Variants in DIAPH1 observed in about 807,000 individuals in gnomAD.
DIAPH1 encodes the protein diaphanous related formin 1, also known as protein diaphanous homolog 1.
DIAPH1 carries 46 observed loss-of-function variants against 140.7 expected under a neutral mutation model. The ratio of observed to expected loss-of-function variants is 0.33; its 90% CI spans 0.26 to 0.42. The LOEUF (loss-of-function observed/expected upper bound fraction) is 0.42. DIAPH1 is among the 10% of genes least tolerant of loss of function. The probability of loss-of-function intolerance (pLI) is 1.00; values close to 1 mark genes in which losing one functional copy is unlikely to be tolerated. For synonymous variants in DIAPH1, 565 were observed against 551.6 expected (o/e 1.02, Z -0.34); for missense variants, 1,310 against 1,558.7 (o/e 0.84, Z 2.69).
At chr5:141,518,312 GAAAA>G (rs55840265) in intron 27 of DIAPH1, among the ~76,000 whole-genome samples, 4 of 115,336 alleles carry the variant, frequency 3.5e-5, no homozygotes, top group Non-Finnish European at 5.4e-5. Context: ...AGCTCAATTG[GAAAA>G]AAAAAAAAAA....
At chr5:141,534,464 T>TAA (rs773747606) in intron 18 of DIAPH1, 31 bp from the exon 19 acceptor site, 2 of 1,583,492 alleles carry the variant, frequency 1.3e-6, no homozygotes, top group Admixed American at 3.3e-5. Context: ...AAAGCATGAT[T>TAA]AAAAGTAAGC....
intron 3 of DIAPH1, among the ~76,000 whole-genome samples, chr5:141,584,823 C>T (rs535547992): frequency 6.6e-6 from 1 of 152,318 alleles, no homozygotes; most frequent in African/African-American, 2.4e-5. Flanking sequence ...AGCCTAGTAC[C>T]TTGGTGTGCA....
At chr5:141,541,471 T>C (rs1177565977) in intron 18 of DIAPH1, among the ~76,000 whole-genome samples, 1 of 151,962 alleles carries the variant, frequency 6.6e-6, no homozygotes, top group Non-Finnish European at 1.5e-5. Context: ...GTTGATCACT[T>C]GAAGTCAGGA....
At chr5:141,576,009 C>G (rs1444491715) in intron 14 of DIAPH1, among the ~76,000 whole-genome samples, 1 of 152,142 alleles carries the variant, frequency 6.6e-6, no homozygotes, top group Non-Finnish European at 1.5e-5. Context: ...TGCCCAGTAG[C>G]CCAAGAACTG....
At chr5:141,564,914 T>C (rs2099894145) in intron 18 of DIAPH1, 2 of 152,204 alleles carry the variant, frequency 1.3e-5, no homozygotes, top group African/African-American at 4.8e-5. Context: ...ATATCACTTT[T>C]CCCCTACTAG....
At chr5:141,603,825 A>G (rs1004071241) in intron 1 of DIAPH1, among the ~76,000 whole-genome samples, 2 of 152,218 alleles carry the variant, frequency 1.3e-5, no homozygotes, top group Admixed American at 6.5e-5. Flanking sequence ...ATAGTTCAAG[A>G]AGGCAAGTAC....
At chr5:141,560,963 G>A in intron 18 of DIAPH1, 1 of 454,894 alleles carries the variant, frequency 2.2e-6, no homozygotes, top group Non-Finnish European at 4.4e-6. Context: ...GGAGATGGGA[G>A]GACCGCCATC....
intron 18 of DIAPH1, among the ~76,000 whole-genome samples, chr5:141,541,295 C>T (rs2099889924): frequency 6.6e-6 from 1 of 152,164 alleles, no homozygotes; most frequent in Non-Finnish European, 1.5e-5. Context: ...TTACAAATAA[C>T]TTTATGCTTA....
At position 141,584,182 on chromosome 5, in the gene DIAPH1, T is replaced by C. The variant is rs762848470; in HGVS notation, c.344A>G (p.Glu115Gly). ...CTCCCTCTTGATGATGATGTCCTTC[T>C]CCCTCAAAGGTTGCTGTTTCTCCTC... ...LNEEKQQPLR[E>G]KDIIIKREMV... Residue 115 changes from glutamate to glycine, a missense_variant, in exon 4 of 28, where the codon GAG becomes GGG. Coordinates refer to ENST00000389054, the MANE Select transcript of DIAPH1 (RefSeq NM_005219.5). 6 of 1,613,554 alleles carry C rather than the reference T, an allele frequency of 3.7e-6. No homozygotes were observed. In the Admixed American group the frequency reaches 5.0e-5, roughly 13 times the overall value.
Position 141,575,120 on chromosome 5 carries a change from AT to A in DIAPH1, c.1487del (p.His496LeufsTer7). On this transcript the variant is annotated frameshift_variant, in exon 15 of 28. Transcript: ENST00000389054. LOFTEE classifies it high-confidence loss of function. ...TCTTTTTCATTTCCACCTGTAGCTC[AT>A]GTCGGGCTGTTAACTCTGAGTCCAA... is the stretch of plus-strand genomic sequence containing the variant. ...KKLDSELTAR[H>X]ELQVEMKKME... 6.2e-7 allele frequency: 1 copy of A among 1,614,162 alleles called. No individual in the cohort carries two copies. Among genetic ancestry groups the A allele is most frequent in the Non-Finnish European group, 8.5e-7 (1 of 1,180,030 alleles).
chr5:141,572,598 G>A (rs766177792), intron 16 of DIAPH1, among the ~76,000 whole-genome samples: 16 of 152,016 alleles, frequency 1.1e-4, no homozygotes, highest in African/African-American at 1.4e-4. Flanking sequence ...TCAGGAGTTC[G>A]AGAGCAGCCA....
intron 1 of DIAPH1, among the ~76,000 whole-genome samples, chr5:141,591,893 C>A (rs1241599652): frequency 2.0e-5 from 3 of 149,612 alleles, no homozygotes; most frequent in Non-Finnish European, 4.4e-5. Context: ...ACCAGCCTGA[C>A]CAACATGGTG....
chr5:141,618,945 G>A lies in DIAPH1; in HGVS notation c.-31C>T, dbSNP rs977114362. On this transcript the variant is annotated 5_prime_UTR_variant, in exon 1 of 28. Transcript: ENST00000389054. ...GGTTCACGCTGGCCGGCGACCCCGC[G>A]CCTACGCCGCTCCCGCCTGGCAGCT... The A allele has an allele frequency of 2.7e-5, 36 of 1,311,014 alleles. 1 individual carries two copies. The Admixed American group carries it at 3.7e-4, about 13-fold the overall frequency. 81.2% of individuals were successfully genotyped at this position (1,311,014 alleles called of 1,614,324 possible).
rs189634357 is a variant in DIAPH1, at chr5:141,577,626, T to C, written c.1164-35A>G. 40 of 1,374,398 alleles carry C rather than the reference T, an allele frequency of 2.9e-5. No homozygotes were observed. In the Admixed American group the frequency reaches 6.7e-4, roughly 23 times the overall value. 85.1% of individuals were successfully genotyped at this position (1,374,398 alleles called of 1,614,324 possible). The stretch of plus-strand genomic sequence containing the variant: ...GGAAATAGGCTAAGGAAAGCAAATA[T>C]GCAGAAATTATGTTTGACAGGTGGC... On this transcript the variant is annotated intron_variant, in intron 11 of 27. Coordinates refer to ENST00000389054, the MANE Select transcript of DIAPH1 (RefSeq NM_005219.5).
rs759576935 is a variant in DIAPH1, at chr5:141,577,588, G to A, written c.1167C>T (p.Asp389=). The A allele has an allele frequency of 1.9e-6, 3 of 1,600,026 alleles. No homozygotes were observed. Among genetic ancestry groups the A allele is most frequent in the South Asian group, 1.1e-5 (1 of 90,774 alleles). The change falls in exon 12 of 28, where the codon GAC becomes GAT. Residue 389 remains aspartate, a synonymous_variant. Coordinates refer to ENST00000389054, the MANE Select transcript of DIAPH1 (RefSeq NM_005219.5). ...AGAGAATCTGAAAGACTTCATTAAAGTCAGTGGAAAAGGGAAATAGGCTAA... is the reference window on the plus strand; with the variant it reads ...AGAGAATCTGAAAGACTTCATTAAAATCAGTGGAAAAGGGAAATAGGCTAA... ...RLDDIRMEMD[D]FNEVFQILLN...
At chr5:141,544,466 C>T (rs1200021104) in intron 18 of DIAPH1, among the ~76,000 whole-genome samples, 1 of 152,048 alleles carries the variant, frequency 6.6e-6, no homozygotes, top group Non-Finnish European at 1.5e-5. Context: ...CTGCAAAACA[C>T]TTATCCGATA....
At chr5:141,543,755 A>G (rs2099890360) in intron 18 of DIAPH1, among the ~76,000 whole-genome samples, 1 of 152,232 alleles carries the variant, frequency 6.6e-6, no homozygotes, top group Admixed American at 6.5e-5. Context: ...CTTTCAGGAC[A>G]TAATTCTATT....
rs554232099 is a variant in DIAPH1 at position 141,529,880 on chromosome 5, T to C, written c.2582-183A>G. Among the ~76,000 whole-genome samples the C allele has an allele frequency of 5.9e-5, 9 of 152,062 alleles. No individual in the cohort carries two copies. The South Asian group carries it at 1.9e-3, about 32-fold the overall frequency. On this transcript the variant is annotated intron_variant, in intron 19 of 27. Transcript: ENST00000389054. ...GGGCGGATCGCTTGAGCCCCAGAGT[T>C]TGAGACCAGCCTAGGCAACATGGGG... is the stretch of plus-strand genomic sequence containing the variant.
intron 21 of DIAPH1, 41 bp from the exon 22 acceptor site, chr5:141,528,982 G>A: frequency 6.2e-7 from 1 of 1,613,490 alleles, no homozygotes; most frequent in South Asian, 1.1e-5. Context: ...GTCAAAAGAG[G>A]GGGAAGTCAG....
Sources: allele counts gnomAD v4.1 joint callset (sites outside exome capture counted in the v4.1 genomes callset), GRCh38; gene constraint gnomAD v4.1.1; transcripts MANE v1.5; gene names NCBI Gene and HGNC (gene_info 2026-07-23, HGNC 2026-07-21).